The following SORCS1 variants were observed in gnomAD, a reference collection of about 807,000 sequenced individuals.
SORCS1 encodes the protein sortilin related VPS10 domain containing receptor 1.
A neutral mutation model predicts 146.1 loss-of-function variants in SORCS1; 60 were observed. The observed-to-expected ratio is 0.41, with a 90% CI of 0.33 to 0.51. SORCS1 has a LOEUF of 0.51. Among genes scored for constraint, SORCS1 ranks in the 20% least tolerant of loss-of-function variants. The pLI, the probability that SORCS1 is intolerant of heterozygous loss-of-function variation, is 0.21. For synonymous variants in SORCS1, 637 were observed against 584.0 expected, an observed-to-expected ratio of 1.09 and a Z score of -1.31; for missense variants, 1,352 against 1,487.6, an observed-to-expected ratio of 0.91 and a Z score of 1.50.
chr10:106,624,756 G>A (rs937661982), intron 19 of SORCS1, among the ~76,000 whole-genome samples: 7 of 152,328 alleles, frequency 4.6e-5, no homozygotes, highest in African/African-American at 1.7e-4. Flanking sequence ...ACGCATACAT[G>A]CATATACATT....
intron 1 of SORCS1, among the ~76,000 whole-genome samples, chr10:107,055,359 G>C (rs1960509928): frequency 6.6e-6 from 1 of 151,714 alleles, no homozygotes; most frequent in Non-Finnish European, 1.5e-5. Flanking sequence ...TAAAGGAATA[G>C]ATAGTGAGTT....
At chr10:106,684,736 C>G (rs556733503) in intron 10 of SORCS1, among the ~76,000 whole-genome samples, 1 of 152,316 alleles carries the variant, frequency 6.6e-6, no homozygotes, top group East Asian at 1.9e-4. Context: ...TTTCTAATCA[C>G]TAGGCTGTGC....
intron 2 of SORCS1, among the ~76,000 whole-genome samples, chr10:106,900,484 C>T (rs955317688): frequency 2.0e-5 from 3 of 152,158 alleles, no homozygotes; most frequent in African/African-American, 7.2e-5. Flanking sequence ...TTAACACTCA[C>T]TGTAGCAGCC....
chr10:106,888,497 C>T (rs1307253294), intron 2 of SORCS1, among the ~76,000 whole-genome samples: 1 of 152,120 alleles, frequency 6.6e-6, no homozygotes, highest in African/African-American at 2.4e-5. Context: ...TACCTGGAAA[C>T]CATAGATGAC....
In SORCS1 at chr10:106,587,730, A is replaced by T. The variant is rs533965094; in HGVS notation, c.3266-8256T>A. On this transcript the variant is annotated intron_variant, in intron 24 of 25. Coordinates refer to ENST00000263054, the MANE Select transcript of SORCS1 (RefSeq NM_052918.5). ...GATAACACAAGATAACAGTTTTATT[A>T]AAAAACCCACACATACCCTTGACAA... Among the ~76,000 whole-genome samples, 81 of 152,336 alleles carry T rather than the reference A, an allele frequency of 5.3e-4. 2 individuals carry two copies. The highest frequency in any genetic ancestry group is 1.9e-3 in the African/African-American group (78 of 41,576).
At chr10:106,881,818 A>T (rs1367624093) in intron 2 of SORCS1, among the ~76,000 whole-genome samples, 1 of 152,168 alleles carries the variant, frequency 6.6e-6, no homozygotes, top group East Asian at 1.9e-4. Context: ...TATGGTAACA[A>T]TCCCCCTTTG....
chr10:106,920,120 A>G (rs988740904), intron 2 of SORCS1, among the ~76,000 whole-genome samples: 3 of 152,148 alleles, frequency 2.0e-5, no homozygotes, highest in African/African-American at 7.2e-5. Context: ...TGTTACCCCC[A>G]GTCACCACTT....
intron 1 of SORCS1, among the ~76,000 whole-genome samples, chr10:107,098,827 T>C (rs545185802): frequency 3.3e-5 from 5 of 152,290 alleles, no homozygotes; most frequent in African/African-American, 1.2e-4. Context: ...CATATTAATA[T>C]TCCCATTTTA....
At chr10:106,705,186 A>G (rs1854429999) in intron 8 of SORCS1, among the ~76,000 whole-genome samples, 1 of 152,216 alleles carries the variant, frequency 6.6e-6, no homozygotes, top group Non-Finnish European at 1.5e-5. Context: ...GTTCTGGATA[A>G]TTACCACAGT....
intron 3 of SORCS1, among the ~76,000 whole-genome samples, chr10:106,802,354 C>T (rs1052296143): frequency 2.6e-4 from 39 of 152,104 alleles, no homozygotes; most frequent in Admixed American, 1.7e-3. Context: ...TTTTTTGAGA[C>T]GGAGTCTCAC....
chr10:106,674,015 A>T (rs923279775), intron 14 of SORCS1, among the ~76,000 whole-genome samples: 1 of 152,018 alleles, frequency 6.6e-6, no homozygotes, highest in Non-Finnish European at 1.5e-5. Flanking sequence ...GTTTTCTACC[A>T]TTAAAAAGCA....
intron 23 of SORCS1, among the ~76,000 whole-genome samples, chr10:106,599,651 G>C (rs2133333065): frequency 6.6e-6 from 1 of 152,240 alleles, no homozygotes; most frequent in South Asian, 2.1e-4. Context: ...AAAGTAATGA[G>C]GGAATTAGCC....
At chr10:107,159,801 T>C (rs1186936072) in intron 1 of SORCS1, among the ~76,000 whole-genome samples, 1 of 151,962 alleles carries the variant, frequency 6.6e-6, no homozygotes, top group Non-Finnish European at 1.5e-5. Flanking sequence ...AAAGCTAAAA[T>C]CTTTCATCAT....
intron 3 of SORCS1, among the ~76,000 whole-genome samples, chr10:106,794,504 T>TC (rs1946453478): frequency 2.1e-5 from 3 of 145,328 alleles, no homozygotes; most frequent in Admixed American, 6.8e-5. Flanking sequence ...TCTTTTTCTT[T>TC]TTTTTTTTTT....
chr10:107,077,391 T>G (rs186128747), intron 1 of SORCS1, among the ~76,000 whole-genome samples: 1 of 152,010 alleles, frequency 6.6e-6, no homozygotes, highest in Admixed American at 6.6e-5. Context: ...GCTATTCTTA[T>G]AAAACTGCTA....
chr10:106,909,321 C>G (rs926901008), intron 2 of SORCS1, among the ~76,000 whole-genome samples: 1 of 152,156 alleles, frequency 6.6e-6, no homozygotes, highest in African/African-American at 2.4e-5. Flanking sequence ...CCTTTTGTCA[C>G]AAGTCACCAT....
chr10:106,965,737 C>T (rs4918273), intron 1 of SORCS1, among the ~76,000 whole-genome samples: 87,676 of 151,914 alleles, frequency 0.58, 25,550 homozygotes, highest in East Asian at 0.63. Context: ...CTAATATGGG[C>T]ATGATGATTA....
intron 2 of SORCS1, among the ~76,000 whole-genome samples, chr10:106,876,471 G>A (rs116981198): frequency 0.035 from 5,267 of 152,288 alleles, 138 homozygotes; most frequent in Non-Finnish European, 0.057. Context: ...TCTAGAGATG[G>A]ATTTTTACAG....
intron 14 of SORCS1, among the ~76,000 whole-genome samples, chr10:106,674,466 T>A (rs962619236): frequency 2.0e-5 from 3 of 151,834 alleles, no homozygotes; most frequent in African/African-American, 7.3e-5. Context: ...CTACTTTCCA[T>A]GTCCAGTTTT....
Sources: gnomAD v4.1 joint callset for allele counts (sites outside exome capture counted in the v4.1 genomes callset) on GRCh38, gnomAD v4.1.1 for gene constraint, MANE v1.5 for transcripts, NCBI Gene and HGNC (gene_info 2026-07-23, HGNC 2026-07-21) for gene names.